STXBP5L: variants seen among roughly 807,000 people sequenced by gnomAD.
The protein encoded by STXBP5L is syntaxin-binding protein 5-like.
In STXBP5L, 65 loss-of-function variants were observed where a neutral mutation model predicts 144.5. That is an observed-to-expected ratio of 0.45 (90% CI 0.37 to 0.55). The LOEUF (loss-of-function observed/expected upper bound fraction) is 0.55. Among genes scored for constraint, STXBP5L ranks in the 20% least tolerant of loss-of-function variants. The probability of loss-of-function intolerance (pLI) is 0.00; values close to 1 mark genes in which losing one functional copy is unlikely to be tolerated. For missense variants in STXBP5L, 1,298 were observed against 1,405.5 expected (o/e 0.92, Z 1.22); for synonymous variants, 505 against 469.6 (o/e 1.08, Z -0.97).
At chr3:121,384,294 G>C (rs981810981) in intron 22 of STXBP5L, among the ~76,000 whole-genome samples, 7 of 152,142 alleles carry the variant, frequency 4.6e-5, no homozygotes, top group Admixed American at 2.0e-4. Flanking sequence ...ATTTGGGGAA[G>C]AGCTCCCTAA....
At chr3:121,406,719 T>A (rs1010909915) in intron 22 of STXBP5L, among the ~76,000 whole-genome samples, 1 of 152,066 alleles carries the variant, frequency 6.6e-6, no homozygotes, top group Non-Finnish European at 1.5e-5. Context: ...AAATTTCTTC[T>A]TGTTTGATTT....
At chr3:121,129,295 G>T (rs1186549807) in intron 7 of STXBP5L, among the ~76,000 whole-genome samples, 2 of 151,974 alleles carry the variant, frequency 1.3e-5, no homozygotes, top group African/African-American at 4.8e-5. Flanking sequence ...GTCTTCCTCT[G>T]CCAATATTGT....
At chr3:121,135,385 G>A (rs900677243) in intron 7 of STXBP5L, among the ~76,000 whole-genome samples, 3 of 152,106 alleles carry the variant, frequency 2.0e-5, no homozygotes, top group Non-Finnish European at 4.4e-5. Flanking sequence ...TCAAACCATA[G>A]CAATGGTGAA....
intron 10 of STXBP5L, among the ~76,000 whole-genome samples, chr3:121,209,099 T>C (rs1428963975): frequency 1.3e-5 from 2 of 152,052 alleles, no homozygotes; most frequent in Admixed American, 6.6e-5. Flanking sequence ...GACATGAACT[T>C]GTCTTTTTTA....
chr3:121,318,594 T>C, intron 20 of STXBP5L, 54 bp downstream of exon 20: 1 of 1,194,624 alleles, frequency 8.4e-7, no homozygotes, highest in Non-Finnish European at 1.1e-6. Flanking sequence ...AGTAATCTGT[T>C]GCTTTATTTT....
At chr3:121,253,581 A>G (rs970986175) in intron 15 of STXBP5L, among the ~76,000 whole-genome samples, 6 of 148,676 alleles carry the variant, frequency 4.0e-5, no homozygotes, top group Admixed American at 6.7e-5. Flanking sequence ...TTGCAAATTT[A>G]TATATATACA....
rs1471892545 is a variant in STXBP5L at position 121,127,550 on chromosome 3, T to C, written c.669+5846T>C. Among the ~76,000 whole-genome samples the C allele has an allele frequency of 4.0e-5, 6 of 151,688 alleles. No homozygotes were observed. The East Asian group carries it at 1.2e-3, about 30-fold the overall frequency. On this transcript the variant is annotated intron_variant, in intron 7 of 26. Coordinates refer to ENST00000471454, the MANE Select transcript of STXBP5L (RefSeq NM_001308330.2). ...TTTTCACATGATCTTCTCTATGTCTTCTCCTCTTTTTATAACAACAGGAGT... is the reference window on the plus strand; with the variant it reads ...TTTTCACATGATCTTCTCTATGTCTCCTCCTCTTTTTATAACAACAGGAGT...
chr3:121,123,531 C>G (rs866272194), intron 7 of STXBP5L, among the ~76,000 whole-genome samples: 70 of 151,008 alleles, frequency 4.6e-4, no homozygotes, highest in Admixed American at 4.5e-3. Flanking sequence ...TTGAACATTG[C>G]CTTTATATTT....
chr3:120,979,357 T>G (rs1413692117), intron 3 of STXBP5L, among the ~76,000 whole-genome samples: 1 of 152,162 alleles, frequency 6.6e-6, no homozygotes, highest in African/African-American at 2.4e-5. Flanking sequence ...GAGCCAGGTG[T>G]GGGATATAAT....
intron 20 of STXBP5L, among the ~76,000 whole-genome samples, chr3:121,368,811 A>G (rs2108655199): frequency 6.6e-6 from 1 of 152,160 alleles, no homozygotes; most frequent in African/African-American, 2.4e-5. Flanking sequence ...TGTCTTCTTA[A>G]TGTCTAATTC....
At chr3:121,094,695 C>G (rs922236268) in intron 5 of STXBP5L, among the ~76,000 whole-genome samples, 1 of 152,172 alleles carries the variant, frequency 6.6e-6, no homozygotes, top group African/African-American at 2.4e-5. Flanking sequence ...TTCCTGAATA[C>G]AACACACTGA....
At chr3:121,042,010 A>G (rs184795913) in intron 4 of STXBP5L, among the ~76,000 whole-genome samples, 8 of 152,282 alleles carry the variant, frequency 5.3e-5, no homozygotes, top group Admixed American at 3.9e-4. Flanking sequence ...ACTATATAGC[A>G]TAATTTAGTT....
intron 2 of STXBP5L, among the ~76,000 whole-genome samples, chr3:120,926,488 C>T (rs1709639631): frequency 6.6e-6 from 1 of 151,242 alleles, no homozygotes; most frequent in Non-Finnish European, 1.5e-5. Flanking sequence ...CTCTCTCTGT[C>T]TTTGACTATT....
chr3:121,049,157 A>C (rs969266962), intron 5 of STXBP5L, among the ~76,000 whole-genome samples: 1 of 152,082 alleles, frequency 6.6e-6, no homozygotes, highest in African/African-American at 2.4e-5. Context: ...CCATGTAGAA[A>C]ACAGTCTGCT....
intron 5 of STXBP5L, among the ~76,000 whole-genome samples, chr3:121,052,582 G>A (rs1948102971): frequency 6.6e-6 from 1 of 152,152 alleles, no homozygotes. Flanking sequence ...ATTAGGTATT[G>A]ATGGGACATA....
At chr3:121,037,789 T>G (rs1946864409) in intron 3 of STXBP5L, among the ~76,000 whole-genome samples, 1 of 152,086 alleles carries the variant, frequency 6.6e-6, no homozygotes, top group Admixed American at 6.6e-5. Flanking sequence ...AATGGTATCT[T>G]GACCTGGAGT....
At chr3:121,317,532 A>G (rs544578059) in intron 19 of STXBP5L, among the ~76,000 whole-genome samples, 7 of 152,298 alleles carry the variant, frequency 4.6e-5, no homozygotes, top group East Asian at 1.9e-4. Context: ...AATAGGAACA[A>G]AGATTATTTT....
At chr3:120,961,843 C>T (rs936386779) in intron 3 of STXBP5L, among the ~76,000 whole-genome samples, 2 of 152,178 alleles carry the variant, frequency 1.3e-5, no homozygotes, top group Non-Finnish European at 1.5e-5. Flanking sequence ...CTTGAGGAAT[C>T]GCCACACTGT....
intron 3 of STXBP5L, among the ~76,000 whole-genome samples, chr3:121,030,595 G>A (rs1029353365): frequency 2.6e-5 from 4 of 151,998 alleles, no homozygotes; most frequent in Non-Finnish European, 4.4e-5. Flanking sequence ...GGGTTGATGG[G>A]TGCAGCAAAC....
Sources: gnomAD v4.1 joint callset for allele counts (sites outside exome capture counted in the v4.1 genomes callset) on GRCh38, gnomAD v4.1.1 for gene constraint, MANE v1.5 for transcripts, NCBI Gene and HGNC (gene_info 2026-07-23, HGNC 2026-07-21) for gene names.